Variants in TRIO observed in about 807,000 individuals in gnomAD.
TRIO encodes the protein triple functional domain protein.
TRIO carries 58 observed loss-of-function variants against 351.9 expected under a neutral mutation model. The observed-to-expected ratio is 0.16, with a 90% CI of 0.13 to 0.21. TRIO has a LOEUF of 0.21. Ranked by LOEUF, TRIO falls within the 10% of genes least tolerant of loss-of-function variation. The pLI is 1.00. For synonymous variants in TRIO, 1,758 were observed against 1,595.7 expected (o/e 1.10, Z -2.42); for missense variants, 3,201 against 4,027.8 (o/e 0.79, Z 5.56).
At chr5:14,182,866 C>T (rs28452733) in intron 1 of TRIO, among the ~76,000 whole-genome samples, 1 of 53,250 alleles carries the variant, frequency 1.9e-5, no homozygotes, top group Non-Finnish European at 4.9e-5. Context: ...GTGGAGACCC[C>T]CCCCCCTCCA....
chr5:14,279,171 C>T (rs1281731418), intron 2 of TRIO, among the ~76,000 whole-genome samples: 2 of 152,184 alleles, frequency 1.3e-5, no homozygotes, highest in Admixed American at 1.3e-4. Context: ...TTCTAGATTA[C>T]ATGACTGAAC....
In TRIO at chr5:14,316,594, G is replaced by A. The variant is rs775573411; in HGVS notation, c.1582G>A (p.Ala528Thr). Residue 528 changes from alanine to threonine, a missense_variant, in exon 9 of 57, where the codon GCC becomes ACC. Ala to Thr is a moderately conservative substitution (Grantham distance 58). Coordinates refer to ENST00000344204, the MANE Select transcript of TRIO (RefSeq NM_007118.4). The stretch of plus-strand genomic sequence containing the variant: ...CAGCTCCGATTCCCTGACAGCCTCT[G>A]CCAACTACTCCAAGGCCGTGCACCA... Reference protein sequence around the residue: ...PGSSDSLTASANYSKAVHHVL... With the variant: ...PGSSDSLTASTNYSKAVHHVL... 2 of 1,614,196 alleles carry A rather than the reference G, an allele frequency of 1.2e-6. No individual in the cohort carries two copies. The highest frequency in any genetic ancestry group is 1.7e-6 in the Non-Finnish European group (2 of 1,180,034).
intron 1 of TRIO, among the ~76,000 whole-genome samples, chr5:14,234,537 A>G (rs80027557): frequency 0.023 from 3,521 of 152,322 alleles, 47 homozygotes; most frequent in Non-Finnish European, 0.035. Context: ...TTACACCACA[A>G]TTGAGTTGGG....
At chr5:14,246,212 CATAATT>C (rs1794428673) in intron 1 of TRIO, among the ~76,000 whole-genome samples, 1 of 152,118 alleles carries the variant, frequency 6.6e-6, no homozygotes, top group Non-Finnish European at 1.5e-5. Flanking sequence ...GAAAATAAAA[CATAATT>C]ATAAGATCAA....
chr5:14,237,519 T>C (rs953401235), intron 1 of TRIO, among the ~76,000 whole-genome samples: 1 of 152,158 alleles, frequency 6.6e-6, no homozygotes, highest in Non-Finnish European at 1.5e-5. Flanking sequence ...TTGGCATGTG[T>C]GTCTGCTTGC....
At chr5:14,330,655 T>TC (rs1377129299) in intron 9 of TRIO, 123 bp from the exon 10 acceptor site, 1 of 1,251,454 alleles carries the variant, frequency 8.0e-7, no homozygotes, top group Non-Finnish European at 1.1e-6. Context: ...CATTTTTTTT[T>TC]CTCGTTTGCT....
chr5:14,246,024 A>G (rs1561246475), intron 1 of TRIO, among the ~76,000 whole-genome samples: 1 of 152,210 alleles, frequency 6.6e-6, no homozygotes, highest in African/African-American at 2.4e-5. Context: ...GGTTAACGAT[A>G]TAAGGGGAAA....
intron 1 of TRIO, among the ~76,000 whole-genome samples, chr5:14,198,472 G>A (rs1790909155): frequency 6.6e-6 from 1 of 152,198 alleles, no homozygotes; most frequent in African/African-American, 2.4e-5. Flanking sequence ...TAACATGTGT[G>A]TTAACTTTCT....
chr5:14,220,050 T>TTC (rs983245125), intron 1 of TRIO, among the ~76,000 whole-genome samples: 2 of 119,112 alleles, frequency 1.7e-5, no homozygotes, highest in African/African-American at 1.0e-4. Context: ...CTTCTTCTTC[T>TTC]TTTTTTTTTT....
intron 2 of TRIO, among the ~76,000 whole-genome samples, chr5:14,274,677 C>G (rs1397323814): frequency 1.3e-5 from 2 of 152,124 alleles, no homozygotes; most frequent in African/African-American, 4.8e-5. Context: ...TGTCCGTAAC[C>G]AGTTTTCAGG....
At chr5:14,368,584 T>C (rs1744802592) in intron 16 of TRIO, 124 bp from the exon 17 acceptor site, 1 of 1,026,328 alleles carries the variant, frequency 9.7e-7, no homozygotes, top group African/African-American at 1.6e-5. Flanking sequence ...AGCATCCTAG[T>C]GAGTATTAAC....
chr5:14,481,262 G>A lies in TRIO; in HGVS notation c.6365G>A (p.Ser2122Asn), dbSNP rs188033742. 32 of 1,614,036 alleles carry A rather than the reference G, an allele frequency of 2.0e-5. 1 individual carries two copies. In the East Asian group the frequency reaches 6.0e-4, roughly 30 times the overall value. ...KDFLKYSKKA[S>N]LDTSELERAV... ...TTCCTCAAGTATTCCAAAAAGGCCA[G>A]CCTGGATACATCAGAATTAGAGGTA... The change falls in exon 44 of 57, where the codon AGC (serine) becomes AAC (asparagine). Residue 2122 changes from serine to asparagine, a missense_variant. Transcript: ENST00000344204.
intron 7 of TRIO, 74 bp downstream of exon 7, chr5:14,297,337 G>C (rs1481052965): frequency 6.7e-7 from 1 of 1,498,008 alleles, no homozygotes; most frequent in Non-Finnish European, 9.0e-7. Context: ...TGGTGTGTGT[G>C]CAAACACTCT....
chr5:14,336,421 A>T, intron 10 of TRIO, 115 bp from the exon 11 acceptor site: 2 of 1,066,990 alleles, frequency 1.9e-6, no homozygotes, highest in Non-Finnish European at 2.8e-6. Context: ...TGTTTGATTC[A>T]TGTAAGTGAT....
chr5:14,373,520 T>C (rs1745303212), intron 18 of TRIO, among the ~76,000 whole-genome samples: 1 of 152,234 alleles, frequency 6.6e-6, no homozygotes, highest in African/African-American at 2.4e-5. Context: ...AAAGGGTTTT[T>C]TCCTTACCTT....
At chr5:14,240,035 C>T (rs1310521674) in intron 1 of TRIO, among the ~76,000 whole-genome samples, 4 of 152,336 alleles carry the variant, frequency 2.6e-5, no homozygotes, top group East Asian at 3.9e-4. Context: ...GTCTCTTCAG[C>T]GGTTCTTTCC....
intron 1 of TRIO, among the ~76,000 whole-genome samples, chr5:14,249,111 T>C (rs1794601861): frequency 6.6e-6 from 1 of 152,252 alleles, no homozygotes; most frequent in African/African-American, 2.4e-5. Flanking sequence ...GGAGGCAGAC[T>C]GACTTGTCGG....
At chr5:14,491,473 A>G (rs943916078) in intron 48 of TRIO, among the ~76,000 whole-genome samples, 2 of 152,092 alleles carry the variant, frequency 1.3e-5, no homozygotes, top group African/African-American at 4.8e-5. Context: ...CTCACATCCT[A>G]ACTTGATAGA....
At chr5:14,449,142 G>A (rs967577286) in intron 34 of TRIO, among the ~76,000 whole-genome samples, 5 of 152,142 alleles carry the variant, frequency 3.3e-5, no homozygotes, top group South Asian at 2.1e-4. Flanking sequence ...TTATGACATC[G>A]TGGTTTTTAA....
Sources: allele counts gnomAD v4.1 joint callset (sites outside exome capture counted in the v4.1 genomes callset), GRCh38; gene constraint gnomAD v4.1.1; transcripts MANE v1.5; gene names NCBI Gene and HGNC (gene_info 2026-07-23, HGNC 2026-07-21).